The following ACOT12 variants were observed in gnomAD, a reference collection of about 807,000 sequenced individuals.
ACOT12 encodes the protein acyl-CoA thioesterase 12.
In ACOT12, 51 loss-of-function variants were observed where a neutral mutation model predicts 67.7. The observed-to-expected ratio is 0.75, with a 90% CI of 0.60 to 0.95. The LOEUF (loss-of-function observed/expected upper bound fraction) is 0.95. Among genes scored for constraint, ACOT12 ranks in the 40% least tolerant of loss-of-function variants. ACOT12 has a pLI of 0.00. For synonymous variants in ACOT12, 251 were observed against 244.6 expected, an observed-to-expected ratio of 1.03 and a Z score of -0.24; for missense variants, 734 against 708.1, an observed-to-expected ratio of 1.04 and a Z score of -0.41.
At chr5:81,315,726 G>T in the ACOT12 span, among the ~76,000 whole-genome samples, 1 of 152,168 alleles carries the variant, frequency 6.6e-6, no homozygotes, top group African/African-American at 2.4e-5. Context: ...CCCCTAAAGA[G>T]AGAATGAGTT....
At chr5:81,391,878 G>A (rs1312517684) in intron 1 of ACOT12, among the ~76,000 whole-genome samples, 1 of 152,166 alleles carries the variant, frequency 6.6e-6, no homozygotes. Flanking sequence ...GAAATATCAA[G>A]GATGACTCCT....
intron 11 of ACOT12, among the ~76,000 whole-genome samples, chr5:81,336,667 A>G (rs969175619): frequency 6.6e-6 from 1 of 152,314 alleles, no homozygotes; most frequent in East Asian, 1.9e-4. Context: ...ACACATTTCT[A>G]TCCTTCCCGT....
At position 81,350,878 on chromosome 5, in the gene ACOT12, C is replaced by T. The variant is rs116651467; in HGVS notation, c.497-2948G>A. Among the ~76,000 whole-genome samples, 416 of 152,280 alleles carry T rather than the reference C, an allele frequency of 2.7e-3. 2 individuals are homozygous for T. The highest frequency in any genetic ancestry group is 9.6e-3 in the African/African-American group (399 of 41,564). ...GAGGTTCCAGCACCAAGGAAGGTTCCCTGATCCAACCTTCTCCCTCACATG... is the reference window on the plus strand; with the variant it reads ...GAGGTTCCAGCACCAAGGAAGGTTCTCTGATCCAACCTTCTCCCTCACATG... On this transcript the variant is annotated intron_variant, in intron 5 of 14. Coordinates refer to ENST00000307624, the MANE Select transcript of ACOT12 (RefSeq NM_130767.3).
At chr5:81,361,531 G>A (rs1759909421) in intron 4 of ACOT12, among the ~76,000 whole-genome samples, 1 of 152,078 alleles carries the variant, frequency 6.6e-6, no homozygotes, top group South Asian at 2.1e-4. Flanking sequence ...TGTTGTTTTA[G>A]TTGTGTGACT....
At chr5:81,363,550 T>C (rs1291759784) in intron 4 of ACOT12, among the ~76,000 whole-genome samples, 2 of 152,220 alleles carry the variant, frequency 1.3e-5, no homozygotes, top group Non-Finnish European at 2.9e-5. Context: ...GGATTTTTTT[T>C]TGTATTTTAC....
At chr5:81,336,428 C>A (rs1297033562) in intron 11 of ACOT12, among the ~76,000 whole-genome samples, 2 of 152,104 alleles carry the variant, frequency 1.3e-5, no homozygotes, top group Non-Finnish European at 2.9e-5. Flanking sequence ...CCTGGAGCAC[C>A]ATATTTCCTC....
intron 1 of ACOT12, among the ~76,000 whole-genome samples, chr5:81,390,931 T>C (rs1166479872): frequency 6.6e-6 from 1 of 152,252 alleles, no homozygotes; most frequent in Non-Finnish European, 1.5e-5. Flanking sequence ...TGTTTCCCTC[T>C]GTATTTCAAG....
intron 4 of ACOT12, among the ~76,000 whole-genome samples, chr5:81,363,249 G>T (rs1037139215): frequency 8.5e-5 from 13 of 152,220 alleles, no homozygotes; most frequent in Admixed American, 7.9e-4. Context: ...CAGGCAGCCG[G>T]CTAGGCAAGC....
At chr5:81,308,693 A>C in the ACOT12 span, 1 of 1,610,136 alleles carries the variant, frequency 6.2e-7, no homozygotes, top group Non-Finnish European at 8.5e-7. Context: ...GTGTAAGGCT[A>C]AAGTAGACCC....
chr5:81,330,944 A>G lies in ACOT12; in HGVS notation c.1392-4T>C, dbSNP rs763735176. 3 of 1,585,324 alleles carry G rather than the reference A, an allele frequency of 1.9e-6. No individual in the cohort carries two copies. The highest frequency in any genetic ancestry group is 2.6e-6 in the Non-Finnish European group (3 of 1,167,920). On this transcript the variant is annotated splice_polypyrimidine_tract_variant and splice_region_variant and intron_variant, in intron 13 of 14. Transcript: ENST00000307624. ...CACTGCCACTGTGTAAGTGTTACTG[A>G]AAGAAAACACTTTCTAAGCTCTTGT...
At chr5:81,366,287 A>G (rs191839055) in intron 3 of ACOT12, among the ~76,000 whole-genome samples, 1 of 152,362 alleles carries the variant, frequency 6.6e-6, no homozygotes, top group East Asian at 1.9e-4. Context: ...GCACTAAACA[A>G]TATAAAATTC....
At chr5:81,322,671 C>T in the ACOT12 span, among the ~76,000 whole-genome samples, 1 of 152,038 alleles carries the variant, frequency 6.6e-6, no homozygotes, top group African/African-American at 2.4e-5. Flanking sequence ...GAAGAAATAC[C>T]TGAGACAGTA....
chr5:81,346,238 G>A (rs974024824), intron 6 of ACOT12, among the ~76,000 whole-genome samples: 16 of 152,212 alleles, frequency 1.1e-4, no homozygotes, highest in Admixed American at 2.0e-4. Context: ...TTTGGTAACA[G>A]TCCTACTCTT....
chr5:81,338,544 A>G (rs79390432), intron 11 of ACOT12, among the ~76,000 whole-genome samples: 2 of 152,160 alleles, frequency 1.3e-5, no homozygotes, highest in Non-Finnish European at 2.9e-5. Context: ...TGTGCAGCCT[A>G]TGGAACCCTG....
the ACOT12 span, among the ~76,000 whole-genome samples, chr5:81,320,876 T>A: frequency 6.6e-6 from 1 of 152,218 alleles, no homozygotes; most frequent in South Asian, 2.1e-4. Context: ...AATTTTTATT[T>A]CTTACAGTTC....
At chr5:81,386,965 G>A (rs925403724) in intron 1 of ACOT12, among the ~76,000 whole-genome samples, 1 of 143,514 alleles carries the variant, frequency 7.0e-6, no homozygotes, top group Non-Finnish European at 1.5e-5. Flanking sequence ...AGTTCTTGCT[G>A]ATTTCCAGAC....
At chr5:81,369,154 C>CAA (rs1264920216) in intron 3 of ACOT12, among the ~76,000 whole-genome samples, 11 of 130,090 alleles carry the variant, frequency 8.5e-5, no homozygotes, top group African/African-American at 1.4e-4. Flanking sequence ...ATTCTAAGGA[C>CAA]AAAAAAAAAA....
chr5:81,389,613 C>T (rs148274731), intron 1 of ACOT12, among the ~76,000 whole-genome samples: 39 of 152,098 alleles, frequency 2.6e-4, no homozygotes, highest in African/African-American at 8.4e-4. Flanking sequence ...CTGCAACCTC[C>T]GCCTCCTGGG....
intron 2 of ACOT12, among the ~76,000 whole-genome samples, chr5:81,380,711 G>T (rs1760556932): frequency 6.6e-6 from 1 of 152,128 alleles, no homozygotes; most frequent in Non-Finnish European, 1.5e-5. Context: ...TCAGTGGAGG[G>T]CCAGTTGAAA....
Sources: allele counts gnomAD v4.1 joint callset (sites outside exome capture counted in the v4.1 genomes callset), GRCh38; gene constraint gnomAD v4.1.1; transcripts MANE v1.5; gene names NCBI Gene and HGNC (gene_info 2026-07-23, HGNC 2026-07-21).